LRRC38: variants seen among roughly 807,000 people sequenced by gnomAD.
LRRC38 encodes the protein leucine-rich repeat-containing protein 38.
LRRC38 carries 5 observed loss-of-function variants against 16.4 expected under a neutral mutation model. The ratio of observed to expected loss-of-function variants is 0.31; its 90% CI spans 0.16 to 0.64. The LOEUF is 0.64. Among genes scored for constraint, LRRC38 ranks in the 30% least tolerant of loss-of-function variants. LRRC38 has a pLI of 0.80. For synonymous variants in LRRC38, 191 were observed against 190.2 expected (o/e 1.00, Z -0.04); for missense variants, 341 against 401.8 (o/e 0.85, Z 1.29).
rs1194435141 is a variant in LRRC38 at position 13,482,105 on chromosome 1, G to A, written c.632-6006C>T. On this transcript the variant is annotated intron_variant, in intron 1 of 1. Coordinates refer to ENST00000376085, the MANE Select transcript of LRRC38 (RefSeq NM_001010847.2). ...AATTCATGCATTAAGCAAAACAGGTGAGGCTTCATGCTACATGCCATGCAG... is the reference window on the plus strand; with the variant it reads ...AATTCATGCATTAAGCAAAACAGGTAAGGCTTCATGCTACATGCCATGCAG... Among the ~76,000 whole-genome samples, 11 of 152,124 alleles carry A rather than the reference G, an allele frequency of 7.2e-5. 2 individuals are homozygous for A. Among genetic ancestry groups the A allele is most frequent in the Admixed American group, 3.9e-4 (6 of 15,268 alleles).
chr1:13,485,884 C>A (rs565735224), intron 1 of LRRC38, among the ~76,000 whole-genome samples: 56 of 152,314 alleles, frequency 3.7e-4, no homozygotes, highest in African/African-American at 1.2e-3. Context: ...AGGCTGGGCT[C>A]CCTCCAAAGG....
chr1:13,497,959 TCACAAAAAAA>T (rs1639099861), intron 1 of LRRC38, among the ~76,000 whole-genome samples: 1 of 48,526 alleles, frequency 2.1e-5, no homozygotes. Flanking sequence ...AAAAACTCCA[TCACAAAAAAA>T]AAAAAAAAAA....
chr1:13,490,056 A>C (rs907848318), intron 1 of LRRC38, among the ~76,000 whole-genome samples: 1 of 152,184 alleles, frequency 6.6e-6, no homozygotes, highest in Non-Finnish European at 1.5e-5. Flanking sequence ...CATAAGTCGC[A>C]CACATAAGCG....
intron 1 of LRRC38, among the ~76,000 whole-genome samples, chr1:13,499,743 C>T (rs189625418): frequency 3.9e-4 from 60 of 152,304 alleles, no homozygotes; most frequent in African/African-American, 1.4e-3. Context: ...CAGTTAGTTA[C>T]ATGAGGCAGA....
chr1:13,476,022 T>C lies in LRRC38; in HGVS notation c.709A>G (p.Ser237Gly), dbSNP rs1638784145. 1.3e-6 allele frequency: 2 copies of C among 1,550,502 alleles called. No individual in the cohort carries two copies. The highest frequency in any genetic ancestry group is 2.4e-5 in the South Asian group (2 of 84,046). Residue 237 changes from serine (S) to glycine (G), a missense_variant, in exon 2 of 2, where the codon AGC becomes GGC. Transcript: ENST00000376085. ...AGTGACAGGCTGAACCTACACTCGC[T>C]GAAGCTGGCCTCCGACAGCTCACGC... Reference protein sequence around the residue: ...SLRELSEASFSECRFSLSLTD... With the variant: ...SLRELSEASFGECRFSLSLTD...
intron 1 of LRRC38, among the ~76,000 whole-genome samples, chr1:13,508,208 G>A (rs1639234237): frequency 6.6e-6 from 1 of 152,208 alleles, no homozygotes; most frequent in Admixed American, 6.5e-5. Flanking sequence ...CTGCACTCCA[G>A]CCTGGGTGGC....
At position 13,476,098 on chromosome 1, in the gene LRRC38, G is replaced by C. The variant is rs1262168882; in HGVS notation, c.633C>G (p.Gly211=). ...IQENASKLPK[G]LDEIQCSLPM... ...GCAGGGAGCACTGGATTTCATCAAG[G>C]CCTGAGAAAAGGCAGGCAGAGGAGA... Residue 211 remains glycine (G), a splice_region_variant and synonymous_variant, in exon 2 of 2, where the codon GGC becomes GGG. Coordinates refer to ENST00000376085, the MANE Select transcript of LRRC38 (RefSeq NM_001010847.2). 3.9e-6 allele frequency: 6 copies of C among 1,550,312 alleles called. No individual in the cohort carries two copies. Among genetic ancestry groups the C allele is most frequent in the East Asian group, 2.4e-5 (1 of 40,904 alleles).
In LRRC38 at chr1:13,479,601, C is replaced by T. The variant is rs4415556; in HGVS notation, c.632-3502G>A. 3.8e-3 allele frequency among the ~76,000 whole-genome samples: 580 copies of T among 152,318 alleles called. 9 individuals are homozygous for T. The highest frequency in any genetic ancestry group is 6.8e-3 in the Middle Eastern group (2 of 294). ...TTTCTCCGTGGCTAGAAGAAATGGGCTTGTTTGAAAAACGGTGCACACAAG... is the reference window on the plus strand; with the variant it reads ...TTTCTCCGTGGCTAGAAGAAATGGGTTTGTTTGAAAAACGGTGCACACAAG... On this transcript the variant is annotated intron_variant, in intron 1 of 1. Transcript: ENST00000376085.
At position 13,487,749 on chromosome 1, in the gene LRRC38, TTAA is replaced by T. The variant is rs1638953725; in HGVS notation, c.632-11653_632-11651del. 6.6e-6 allele frequency among the ~76,000 whole-genome samples: 1 copy of T among 152,140 alleles called. No individual in the cohort carries two copies. ...TGACACAGCGGATGTTAGATTGAGA[TTAA>T]TCTCTTGCACCGGACCGGCCCCTTG... On this transcript the variant is annotated intron_variant, in intron 1 of 1. Transcript: ENST00000376085. The surrounding 1 kb of genome is among the most constrained non-coding windows in gnomAD (Gnocchi z 4.4).
Position 13,480,465 on chromosome 1 carries a change from T to G in LRRC38, c.632-4366A>C, listed in dbSNP as rs115641029. On this transcript the variant is annotated intron_variant, in intron 1 of 1. Coordinates refer to ENST00000376085, the MANE Select transcript of LRRC38 (RefSeq NM_001010847.2). Reference sequence around the variant, plus strand: ...TGCTCTACTAAGTATATAGCTATTATGTAGACTTTTAAATTTTTTTGTAAA... The same window carrying G: ...TGCTCTACTAAGTATATAGCTATTAGGTAGACTTTTAAATTTTTTTGTAAA... Among the ~76,000 whole-genome samples, 513 of 152,346 alleles carry G rather than the reference T, an allele frequency of 3.4e-3. 2 individuals are homozygous for G. The highest frequency in any genetic ancestry group is 6.8e-3 in the Middle Eastern group (2 of 294).
In LRRC38 at chr1:13,513,129, C is replaced by G; in HGVS notation, c.465G>C (p.Gln155His). Residue 155 changes from glutamine to histidine, a missense_variant, in exon 1 of 2, where the codon CAG (glutamine) becomes CAC (histidine). Coordinates refer to ENST00000376085, the MANE Select transcript of LRRC38 (RefSeq NM_001010847.2). ...EDAFETLESLQVLELNDNNLR... is the reference protein window; with the variant it reads ...EDAFETLESLHVLELNDNNLR... Reference sequence around the variant, plus strand: ...GGTTGTTGTCGTTGAGCTCCAGCACCTGCAGCGACTCCAGGGTCTCGAAGG... The same window carrying G: ...GGTTGTTGTCGTTGAGCTCCAGCACGTGCAGCGACTCCAGGGTCTCGAAGG... 1 of 1,550,502 alleles carries G rather than the reference C, an allele frequency of 6.4e-7. No individual in the cohort carries two copies. The highest frequency in any genetic ancestry group is 1.2e-5 in the South Asian group (1 of 84,066).
intron 1 of LRRC38, 142 bp from the exon 2 acceptor site, chr1:13,476,241 G>T (rs1360579993): frequency 2.6e-6 from 2 of 780,682 alleles, no homozygotes; most frequent in Non-Finnish European, 4.0e-6. Context: ...TAATTTAAAT[G>T]GAATTTAAAC....
chr1:13,512,921 G>GCCCCC, intron 1 of LRRC38, 42 bp downstream of exon 1: 19 of 1,246,162 alleles, frequency 1.5e-5, no homozygotes, highest in South Asian at 5.6e-5. Flanking sequence ...GCCTCTCCCT[G>GCCCCC]CCCCCCTCCC....
At chr1:13,503,179 G>C (rs558083287) in intron 1 of LRRC38, among the ~76,000 whole-genome samples, 3 of 152,310 alleles carry the variant, frequency 2.0e-5, no homozygotes, top group Admixed American at 6.5e-5. Context: ...TGGTCACCTA[G>C]AGCAGGGATC....
intron 1 of LRRC38, among the ~76,000 whole-genome samples, chr1:13,496,552 T>C (rs1271317543): frequency 1.3e-5 from 2 of 152,140 alleles, no homozygotes; most frequent in Admixed American, 6.6e-5. Context: ...CCATACTGGC[T>C]TCTCTCAGCA....
chr1:13,494,398 CTTTTTT>C (rs34023623), intron 1 of LRRC38, among the ~76,000 whole-genome samples: 1 of 123,976 alleles, frequency 8.1e-6, no homozygotes, highest in Non-Finnish European at 1.7e-5. Context: ...CTGTGCTAGA[CTTTTTT>C]TTTTTTTTTT....
rs1639301511 is a variant in LRRC38, at chr1:13,513,469, C to T, written c.125G>A (p.Cys42Tyr). 6.5e-7 allele frequency: 1 copy of T among 1,545,684 alleles called. No homozygotes were observed. Among genetic ancestry groups the T allele is most frequent in the Middle Eastern group, 1.7e-4 (1 of 5,846 alleles). Residue 42 changes from cysteine (C) to tyrosine (Y), a missense_variant, in exon 1 of 2, where the codon TGC becomes TAC. By Grantham distance (194) the Cys-to-Tyr change is radical. Transcript: ENST00000376085. ...CACTDPHTVDCRDRGLPSVPD... is the reference protein window; with the variant it reads ...CACTDPHTVDYRDRGLPSVPD... ...CACGCTGGGCAGCCCGCGGTCGCGGCAGTCCACGGTGTGCGGGTCGGTGCA... is the reference window on the plus strand; with the variant it reads ...CACGCTGGGCAGCCCGCGGTCGCGGTAGTCCACGGTGTGCGGGTCGGTGCA...
chr1:13,481,026 T>A (rs936627334), intron 1 of LRRC38, among the ~76,000 whole-genome samples: 1 of 152,102 alleles, frequency 6.6e-6, no homozygotes, highest in Non-Finnish European at 1.5e-5. Context: ...TAGCCCCCAG[T>A]GTGATGGTAT....
chr1:13,498,227 C>G (rs1324161563), intron 1 of LRRC38, among the ~76,000 whole-genome samples: 1 of 141,770 alleles, frequency 7.1e-6, no homozygotes, highest in Non-Finnish European at 1.5e-5. Context: ...GACCCCCAAC[C>G]AAAAAACAAA....
Sources: gnomAD v4.1 joint callset for allele counts (sites outside exome capture counted in the v4.1 genomes callset) on GRCh38, gnomAD v4.1.1 for gene constraint, Gnocchi (gnomAD v3.1) non-coding constraint, MANE v1.5 for transcripts, NCBI Gene and HGNC (gene_info 2026-07-23, HGNC 2026-07-21) for gene names.